The following STEAP3 variants were observed in gnomAD, a reference collection of about 807,000 sequenced individuals.
STEAP3 encodes metalloreductase STEAP3.
STEAP3 carries 35 observed loss-of-function variants against 34.9 expected under a neutral mutation model. That is an observed-to-expected ratio of 1.00 (90% confidence interval 0.76 to 1.33). The LOEUF is 1.33. Among genes scored for constraint, STEAP3 ranks in the 40% most tolerant of loss-of-function variants. The pLI is 0.00. For missense variants in STEAP3, 652 were observed against 667.6 expected (o/e 0.98, Z 0.26); for synonymous variants, 281 against 301.6 (o/e 0.93, Z 0.71).
chr2:119,242,028 G>T (rs1223156594), intron 2 of STEAP3, among the ~76,000 whole-genome samples: 2 of 152,204 alleles, frequency 1.3e-5, no homozygotes, highest in African/African-American at 4.8e-5. Context: ...GCTGCCCTAT[G>T]TCCAGTCATT....
chr2:119,247,557 C>T, intron 3 of STEAP3, 122 bp from the exon 4 acceptor site: 4 of 1,163,904 alleles, frequency 3.4e-6, no homozygotes, highest in South Asian at 1.6e-5. Flanking sequence ...GTACCATTGA[C>T]TGGCAGCTCA....
In STEAP3 at chr2:119,245,997, TG is replaced by T; in HGVS notation, c.522+14del. The stretch of plus-strand genomic sequence containing the variant: ...GGGATGGTAACAGGCAGGTAGGTTC[TG>T]GGGGAATAATACCCATCGTAACAAT... On this transcript the variant is annotated intron_variant, in intron 3 of 5. Transcript: ENST00000393110. 1 of 1,607,876 alleles carries T rather than the reference TG, an allele frequency of 6.2e-7. No homozygotes were observed. The highest frequency in any genetic ancestry group is 1.1e-5 in the South Asian group (1 of 90,942).
In STEAP3 at chr2:119,234,001, T is replaced by C. The variant is rs548125310; in HGVS notation, c.22+2967T>C. Reference sequence around the variant, plus strand: ...CTGGGAATCCAAAGAAAGAGGCCACTGAGGGGCAGGGGAGGGCCCCTCCGA... The same window carrying C: ...CTGGGAATCCAAAGAAAGAGGCCACCGAGGGGCAGGGGAGGGCCCCTCCGA... On this transcript the variant is annotated intron_variant, in intron 2 of 5. Transcript: ENST00000393110. 4.6e-5 allele frequency among the ~76,000 whole-genome samples: 7 copies of C among 152,324 alleles called. No homozygotes were observed. In the East Asian group the frequency reaches 5.8e-4, roughly 13 times the overall value.
In STEAP3 at chr2:119,224,378, C is replaced by A. The variant is rs536920284; in HGVS notation, c.-394+490C>A. Among the ~76,000 whole-genome samples the A allele has an allele frequency of 3.2e-3, 484 of 152,342 alleles. 4 individuals carry two copies. Among genetic ancestry groups the A allele is most frequent in the African/African-American group, 0.01 (435 of 41,584 alleles). ...GACAGGGGCAGGTGCAGGGGCTGGG[C>A]AGGGGCGCCCGACCTTGGTCCCCAG... On this transcript the variant is annotated intron_variant, in intron 1 of 5. Coordinates refer to ENST00000393110, the MANE Select transcript of STEAP3 (RefSeq NM_182915.3).
intron 2 of STEAP3, among the ~76,000 whole-genome samples, chr2:119,239,085 A>G (rs749394431): frequency 6.6e-6 from 1 of 152,154 alleles, no homozygotes; most frequent in Non-Finnish European, 1.5e-5. Context: ...TGGCTACTTC[A>G]TGCCCTTGAG....
intron 3 of STEAP3, among the ~76,000 whole-genome samples, chr2:119,247,362 G>A (rs1677461899): frequency 1.3e-5 from 2 of 152,370 alleles, no homozygotes; most frequent in Middle Eastern, 3.4e-3. Flanking sequence ...GGCCCATGGG[G>A]ACTACCTGGA....
intron 1 of STEAP3, among the ~76,000 whole-genome samples, chr2:119,225,934 G>T (rs78943957): frequency 0.018 from 2,677 of 152,350 alleles, 81 homozygotes; most frequent in African/African-American, 0.061. Flanking sequence ...GTAAATATCG[G>T]ATCCCTCCTT....
intron 1 of STEAP3, among the ~76,000 whole-genome samples, chr2:119,226,152 G>A (rs999422247): frequency 7.2e-5 from 11 of 152,216 alleles, no homozygotes; most frequent in African/African-American, 2.7e-4. Flanking sequence ...GGCGGTCTAC[G>A]CTGCCTGCTA....
chr2:119,253,573 G>C (rs947177020), intron 4 of STEAP3, among the ~76,000 whole-genome samples: 3 of 151,872 alleles, frequency 2.0e-5, no homozygotes, highest in Non-Finnish European at 2.9e-5. Flanking sequence ...TGGAAATACT[G>C]TTCCTTGTTC....
At chr2:119,262,972 C>CGAG in intron 5 of STEAP3, 85 bp from the exon 6 acceptor site, 1 of 1,553,842 alleles carries the variant, frequency 6.4e-7, no homozygotes, top group East Asian at 2.2e-5. Flanking sequence ...CCTTCCCCTC[C>CGAG]GCCAGGCCAG....
intron 2 of STEAP3, 23 bp from the exon 3 acceptor site, chr2:119,245,466 C>T (rs544125245): frequency 1.3e-6 from 2 of 1,557,790 alleles, no homozygotes; most frequent in South Asian, 2.4e-5. Context: ...CTCCACTGAC[C>T]AGGTTCCTGA....
chr2:119,264,731 C>A lies in STEAP3; in HGVS notation c.*1393C>A, dbSNP rs574977078. 1.9e-4 allele frequency: 29 copies of A among 152,318 alleles called. No homozygotes were observed. Among genetic ancestry groups the A allele is most frequent in the African/African-American group, 7.0e-4 (29 of 41,520 alleles). 9.4% of individuals were successfully genotyped at this position (152,318 alleles called of 1,614,324 possible). ...ATGAGTCTCCTGGGCCCAAAGCCAT[C>A]TTCTGATGGAAGGAAGAGAGTAGGG... On this transcript the variant is annotated 3_prime_UTR_variant, in exon 6 of 6. Coordinates refer to ENST00000393110, the MANE Select transcript of STEAP3 (RefSeq NM_182915.3).
intron 2 of STEAP3, chr2:119,245,223 T>A: frequency 6.5e-6 from 3 of 464,990 alleles, no homozygotes; most frequent in Non-Finnish European, 1.1e-5. Flanking sequence ...ACTCTGCCAG[T>A]TTTTCCCGAG....
chr2:119,251,702 C>T (rs1029550479), intron 4 of STEAP3, among the ~76,000 whole-genome samples: 1 of 152,098 alleles, frequency 6.6e-6, no homozygotes, highest in South Asian at 2.1e-4. Context: ...GCTAGACTCC[C>T]TCCGCAGCCT....
rs773214345 is a variant in STEAP3 at position 119,245,883 on chromosome 2, T to C, written c.417T>C (p.Asn139=). 6.2e-7 allele frequency: 1 copy of C among 1,614,106 alleles called. No homozygotes were observed. Among genetic ancestry groups the C allele is most frequent in the South Asian group, 1.1e-5 (1 of 91,080 alleles). Residue 139 remains asparagine, a synonymous_variant, in exon 3 of 6, where the codon AAT becomes AAC. Transcript: ENST00000393110. Reference sequence around the variant, plus strand: ...AGCACCTTCAGCATCGTGAGTCCAATGCTGAGTACCTGGCCTCCCTCTTCC... The same window carrying C: ...AGCACCTTCAGCATCGTGAGTCCAACGCTGAGTACCTGGCCTCCCTCTTCC... ...EQEHLQHRES[N]AEYLASLFPT...
At position 119,252,827 on chromosome 2, in the gene STEAP3, G is replaced by A. The variant is rs118066775; in HGVS notation, c.1051-1857G>A. On this transcript the variant is annotated intron_variant, in intron 4 of 5. Coordinates refer to ENST00000393110, the MANE Select transcript of STEAP3 (RefSeq NM_182915.3). Reference sequence around the variant, plus strand: ...CCCACCTCATCCCTCCCTTCCCAGCGTCACTGCAGACTGGAAATGTTAGAG... The same window carrying A: ...CCCACCTCATCCCTCCCTTCCCAGCATCACTGCAGACTGGAAATGTTAGAG... Among the ~76,000 whole-genome samples the A allele has an allele frequency of 1.3e-3, 204 of 152,056 alleles. 5 individuals carry two copies. The East Asian group carries it at 0.029, about 22-fold the overall frequency.
chr2:119,238,355 A>G (rs1677149316), intron 2 of STEAP3, among the ~76,000 whole-genome samples: 1 of 152,174 alleles, frequency 6.6e-6, no homozygotes, highest in African/African-American at 2.4e-5. Flanking sequence ...GTGAAGTGGT[A>G]TCTCATTGTG....
rs1459399612 is a variant in STEAP3 at position 119,248,261 on chromosome 2, A to AC, written c.1050+57dup. The AC allele has an allele frequency of 1.6e-5, 23 of 1,395,056 alleles. No individual in the cohort carries two copies. The African/African-American group carries it at 2.2e-4, about 13-fold the overall frequency. 86.4% of individuals were successfully genotyped at this position (1,395,056 alleles called of 1,614,324 possible). ...GCAACTCAGCACATGCTTGTCCAGC[A>AC]CCTCCCCCCCCCACCAACCAGGTGC... On this transcript the variant is annotated intron_variant, in intron 4 of 5. Coordinates refer to ENST00000393110, the MANE Select transcript of STEAP3 (RefSeq NM_182915.3).
In STEAP3 at chr2:119,254,785, G is replaced by A. The variant is rs768724830; in HGVS notation, c.1152G>A (p.Leu384=). ...TGGCCCTCGGCACGTTGTCCCTGCT[G>A]GCCGTGACCTCACTGCCGTCCATTG... is the stretch of plus-strand genomic sequence containing the variant. ...GVLALGTLSL[L]AVTSLPSIAN... Residue 384 remains leucine, a synonymous_variant, in exon 5 of 6, where the codon CTG becomes CTA. Transcript: ENST00000393110. 1 of 1,614,166 alleles carries A rather than the reference G, an allele frequency of 6.2e-7. No individual in the cohort carries two copies. The highest frequency in any genetic ancestry group is 1.1e-5 in the South Asian group (1 of 91,076).
Sources: allele counts gnomAD v4.1 joint callset (sites outside exome capture counted in the v4.1 genomes callset), GRCh38; gene constraint gnomAD v4.1.1; transcripts MANE v1.5; gene names NCBI Gene and HGNC (gene_info 2026-07-23, HGNC 2026-07-21).